ADGRV1: variants seen among roughly 807,000 people sequenced by gnomAD.
The protein encoded by ADGRV1 is G-protein coupled receptor 98.
A neutral mutation model predicts 596.2 loss-of-function variants in ADGRV1; 359 were observed. That is an observed-to-expected ratio of 0.60 (90% confidence interval 0.55 to 0.66). The LOEUF is 0.66. Ranked by LOEUF, ADGRV1 falls within the 30% of genes least tolerant of loss-of-function variation. ADGRV1 has a pLI of 0.00. For missense variants in ADGRV1, 7,274 were observed against 7,575.6 expected (o/e 0.96, Z 1.48); for synonymous variants, 2,681 against 2,679.2 (o/e 1.00, Z -0.02).
intron 83 of ADGRV1, among the ~76,000 whole-genome samples, chr5:90,922,727 A>G (rs75472091): frequency 0.059 from 8,947 of 152,296 alleles, 412 homozygotes; most frequent in East Asian, 0.22. Context: ...GAAGTTTGTT[A>G]GAAATGCAGA....
At chr5:90,813,967 A>C (rs553847572) in intron 74 of ADGRV1, among the ~76,000 whole-genome samples, 69 of 152,212 alleles carry the variant, frequency 4.5e-4, no homozygotes, top group Non-Finnish European at 8.8e-4. Context: ...AAATGTGACA[A>C]GGGAAGTGTT....
At position 90,908,009 on chromosome 5, in the gene ADGRV1, C is replaced by T. The variant is rs1045925599; in HGVS notation, c.17856+44152C>T. On this transcript the variant is annotated intron_variant, in intron 83 of 89. Transcript: ENST00000405460. ...GGGACTACAGAGGTGCACTGCCATG[C>T]CAGGTTAAGTTTTCTATTTTTAGTA... Among the ~76,000 whole-genome samples, 9 of 152,098 alleles carry T rather than the reference C, an allele frequency of 5.9e-5. No homozygotes were observed. In the South Asian group the frequency reaches 1.9e-3, roughly 32 times the overall value.
intron 84 of ADGRV1, among the ~76,000 whole-genome samples, chr5:90,982,455 A>G (rs1402161512): frequency 1.3e-5 from 2 of 152,370 alleles, no homozygotes; most frequent in South Asian, 2.1e-4. Flanking sequence ...AAAGCAATAC[A>G]TTAATACATC....
intron 50 of ADGRV1, among the ~76,000 whole-genome samples, chr5:90,740,967 G>A (rs913208831): frequency 1.3e-5 from 2 of 152,198 alleles, no homozygotes; most frequent in Admixed American, 6.5e-5. Flanking sequence ...TCACTCCCAT[G>A]TTCTGGGATA....
At chr5:90,578,284 C>T (rs2151968981) in intron 1 of ADGRV1, among the ~76,000 whole-genome samples, 1 of 152,258 alleles carries the variant, frequency 6.6e-6, no homozygotes, top group South Asian at 2.1e-4. Context: ...GAGATACATT[C>T]CATCAATACC....
intron 1 of ADGRV1, among the ~76,000 whole-genome samples, chr5:90,569,921 A>T (rs1461757774): frequency 6.6e-6 from 1 of 152,080 alleles, no homozygotes; most frequent in Non-Finnish European, 1.5e-5. Flanking sequence ...TTTAGCACAA[A>T]TCTATTATTA....
chr5:90,807,820 G>A (rs1182699418), intron 73 of ADGRV1, 83 bp downstream of exon 73: 2 of 1,223,092 alleles, frequency 1.6e-6, no homozygotes, highest in South Asian at 3.9e-5. Context: ...AAGGCACAAG[G>A]GTTATTCTCC....
At chr5:90,576,763 A>G (rs184070377) in intron 1 of ADGRV1, among the ~76,000 whole-genome samples, 446 of 152,252 alleles carry the variant, frequency 2.9e-3, no homozygotes, top group African/African-American at 0.01. Flanking sequence ...ATTTCTTCAC[A>G]TCCTCTCCAG....
At chr5:91,145,230 A>G (rs892064700) in intron 87 of ADGRV1, among the ~76,000 whole-genome samples, 1 of 152,240 alleles carries the variant, frequency 6.6e-6, no homozygotes, top group African/African-American at 2.4e-5. Context: ...CATGCAAGTT[A>G]TTTTCAGCAG....
chr5:90,666,793 T>C (rs139872473), intron 21 of ADGRV1, among the ~76,000 whole-genome samples: 10,008 of 151,974 alleles, frequency 0.066, 390 homozygotes, highest in South Asian at 0.13. Context: ...GGAGCTCTTT[T>C]AGGACAGGCC....
chr5:91,043,432 A>AT (rs1785532357), intron 85 of ADGRV1, among the ~76,000 whole-genome samples: 1 of 152,116 alleles, frequency 6.6e-6, no homozygotes, highest in Admixed American at 6.6e-5. Context: ...GACATTGCTC[A>AT]GTGCCCAGCC....
At chr5:90,963,592 C>A (rs537753665) in intron 83 of ADGRV1, among the ~76,000 whole-genome samples, 129 of 151,474 alleles carry the variant, frequency 8.5e-4, no homozygotes, top group African/African-American at 3.0e-3. Flanking sequence ...ATTACAAATG[C>A]ACCAAATCTA....
intron 86 of ADGRV1, among the ~76,000 whole-genome samples, chr5:91,091,021 G>C (rs1451390699): frequency 6.6e-6 from 1 of 152,116 alleles, no homozygotes; most frequent in Non-Finnish European, 1.5e-5. Context: ...GTGGTTTGTG[G>C]TCAGAGTTTG....
intron 2 of ADGRV1, chr5:90,617,586 T>C (rs559541081): frequency 1.0e-5 from 4 of 401,864 alleles, no homozygotes; most frequent in East Asian, 1.0e-4. Flanking sequence ...GGGATTACAG[T>C]AGTGAGCCAC....
chr5:90,818,425 G>A (rs1315417344), intron 75 of ADGRV1, among the ~76,000 whole-genome samples: 4 of 149,938 alleles, frequency 2.7e-5, no homozygotes, highest in Non-Finnish European at 6.0e-5. Context: ...CTGCCTAATT[G>A]CCCTGGCCAG....
chr5:90,681,178 T>C, intron 26 of ADGRV1, 137 bp from the exon 27 acceptor site: 2 of 936,766 alleles, frequency 2.1e-6, no homozygotes, highest in Non-Finnish European at 3.1e-6. Context: ...GTGTCTGCCT[T>C]TCTTTCTAAA....
At chr5:90,774,995 C>A (rs1202797411) in intron 60 of ADGRV1, among the ~76,000 whole-genome samples, 2 of 152,142 alleles carry the variant, frequency 1.3e-5, no homozygotes, top group African/African-American at 4.8e-5. Context: ...ACTTCAGAAA[C>A]AGGCATTTTA....
intron 87 of ADGRV1, among the ~76,000 whole-genome samples, chr5:91,103,615 T>C (rs1004409270): frequency 3.3e-5 from 5 of 151,900 alleles, no homozygotes; most frequent in African/African-American, 1.2e-4. Flanking sequence ...ATATGAAAGA[T>C]TGTTTTAGAT....
chr5:91,036,356 G>A (rs1372258512), intron 85 of ADGRV1, among the ~76,000 whole-genome samples: 2 of 151,958 alleles, frequency 1.3e-5, no homozygotes, highest in Non-Finnish European at 2.9e-5. Flanking sequence ...TCAGGAGATC[G>A]AGACCATCCT....
Sources: gnomAD v4.1 joint callset for allele counts (sites outside exome capture counted in the v4.1 genomes callset) on GRCh38, gnomAD v4.1.1 for gene constraint, MANE v1.5 for transcripts, NCBI Gene and HGNC (gene_info 2026-07-23, HGNC 2026-07-21) for gene names.